The following MAGI2 variants were observed in gnomAD, a reference collection of about 807,000 sequenced individuals.
MAGI2 encodes membrane associated guanylate kinase, WW and PDZ domain containing 2.
In MAGI2, 35 loss-of-function variants were observed where a neutral mutation model predicts 133.3. The ratio of observed to expected loss-of-function variants is 0.26; its 90% CI spans 0.20 to 0.35. MAGI2 has a LOEUF of 0.35. Among genes scored for constraint, MAGI2 ranks in the 10% least tolerant of loss-of-function variants. The probability of loss-of-function intolerance (pLI) is 1.00; values close to 1 mark genes in which losing one functional copy is unlikely to be tolerated. For synonymous variants in MAGI2, 729 were observed against 710.6 expected, an observed-to-expected ratio of 1.03 and a Z score of -0.41; for missense variants, 1,636 against 1,863.4, an observed-to-expected ratio of 0.88 and a Z score of 2.25.
intron 1 of MAGI2, among the ~76,000 whole-genome samples, chr7:79,248,738 A>G (rs1269789749): frequency 2.6e-5 from 4 of 152,198 alleles, no homozygotes; most frequent in African/African-American, 9.6e-5. Context: ...ATACAAACAC[A>G]TGGAAATTAG....
Position 78,552,007 on chromosome 7 carries a change from A to G in MAGI2, c.539-30362T>C, listed in dbSNP as rs143930210. Among the ~76,000 whole-genome samples, 530 of 152,278 alleles carry G rather than the reference A, an allele frequency of 3.5e-3. 4 individuals carry two copies. The highest frequency in any genetic ancestry group is 0.012 in the African/African-American group (505 of 41,570). ...CAACTTGCCTGCTTTGGCCTTCCAAAGTGCTGGGATTATAGGCATAAGCCA... is the reference window on the plus strand; with the variant it reads ...CAACTTGCCTGCTTTGGCCTTCCAAGGTGCTGGGATTATAGGCATAAGCCA... On this transcript the variant is annotated intron_variant, in intron 3 of 21. Transcript: ENST00000354212.
At chr7:79,255,599 G>A (rs1325794208) in intron 1 of MAGI2, among the ~76,000 whole-genome samples, 1 of 152,104 alleles carries the variant, frequency 6.6e-6, no homozygotes, top group Non-Finnish European at 1.5e-5. Context: ...TTAGAAAATA[G>A]TACCAGATTA....
At chr7:79,445,271 TAAAACACCAAAA>T (rs1563231415) in intron 1 of MAGI2, among the ~76,000 whole-genome samples, 15 of 152,138 alleles carry the variant, frequency 9.9e-5, no homozygotes, top group African/African-American at 3.4e-4. Context: ...ACTTCATGTC[TAAAACACCAAAA>T]GCAATGGCAA....
chr7:78,057,861 G>A (rs922255016), intron 21 of MAGI2, among the ~76,000 whole-genome samples: 1 of 151,344 alleles, frequency 6.6e-6, no homozygotes, highest in Non-Finnish European at 1.5e-5. Flanking sequence ...GATATTGACT[G>A]CTGTATGCCC....
At chr7:78,394,342 C>T (rs898622898) in intron 6 of MAGI2, among the ~76,000 whole-genome samples, 2 of 152,174 alleles carry the variant, frequency 1.3e-5, no homozygotes, top group African/African-American at 2.4e-5. Context: ...AGTTTTGGTG[C>T]TTTCCCCTTT....
At chr7:78,459,291 T>C (rs536826504) in intron 6 of MAGI2, among the ~76,000 whole-genome samples, 1 of 152,162 alleles carries the variant, frequency 6.6e-6, no homozygotes, top group Non-Finnish European at 1.5e-5. Context: ...AAAGCAGAAT[T>C]CTCATCTTGT....
At chr7:79,425,592 ATATATATG>A (rs962304066) in intron 1 of MAGI2, among the ~76,000 whole-genome samples, 23 of 58,170 alleles carry the variant, frequency 4.0e-4, no homozygotes, top group East Asian at 1.5e-3. Flanking sequence ...ATATATATAT[ATATATATG>A]TATATATATG....
At chr7:78,709,290 C>T (rs1044892926) in intron 2 of MAGI2, among the ~76,000 whole-genome samples, 2 of 151,902 alleles carry the variant, frequency 1.3e-5, no homozygotes, top group Non-Finnish European at 2.9e-5. Context: ...ACCCCCACCC[C>T]CACTCCACAC....
chr7:78,667,350 G>A (rs1457463541), intron 2 of MAGI2, among the ~76,000 whole-genome samples: 1 of 139,344 alleles, frequency 7.2e-6, no homozygotes, highest in African/African-American at 2.6e-5. Flanking sequence ...AACCAATTGG[G>A]TTTTTTTTTT....
chr7:78,986,002 C>G (rs1038075577), intron 2 of MAGI2, among the ~76,000 whole-genome samples: 4 of 152,054 alleles, frequency 2.6e-5, no homozygotes, highest in Non-Finnish European at 2.9e-5. Context: ...AACACATTCT[C>G]CACACTGTAT....
intron 1 of MAGI2, among the ~76,000 whole-genome samples, chr7:79,097,616 AT>A (rs1344173091): frequency 5.3e-5 from 8 of 152,206 alleles, no homozygotes; most frequent in African/African-American, 1.9e-4. Flanking sequence ...AATAAGGTGT[AT>A]CTACTGAAAG....
intron 2 of MAGI2, among the ~76,000 whole-genome samples, chr7:78,905,740 T>G (rs944453022): frequency 6.6e-6 from 1 of 152,182 alleles, no homozygotes; most frequent in African/African-American, 2.4e-5. Flanking sequence ...TAATTTAAGG[T>G]ACAGGTGATT....
intron 2 of MAGI2, among the ~76,000 whole-genome samples, chr7:78,687,969 T>TAAAACAAAAA (rs1816525993): frequency 1.5e-5 from 1 of 67,226 alleles, no homozygotes; most frequent in Non-Finnish European, 2.8e-5. Flanking sequence ...GTCCTTGCCT[T>TAAAACAAAAA]AAAAAAAAAA....
At chr7:78,721,193 G>T (rs1691599555) in intron 2 of MAGI2, among the ~76,000 whole-genome samples, 1 of 151,870 alleles carries the variant, frequency 6.6e-6, no homozygotes, top group Admixed American at 6.6e-5. Flanking sequence ...CTTCCTCATG[G>T]CTGGGTCCTC....
At chr7:78,735,900 A>G (rs535180201) in intron 2 of MAGI2, among the ~76,000 whole-genome samples, 15 of 152,302 alleles carry the variant, frequency 9.8e-5, no homozygotes, top group Admixed American at 9.2e-4. Context: ...CAATTTGTAC[A>G]AGAAAGTAGA....
At chr7:78,248,260 G>T (rs1792007290) in intron 10 of MAGI2, among the ~76,000 whole-genome samples, 1 of 152,178 alleles carries the variant, frequency 6.6e-6, no homozygotes, top group Non-Finnish European at 1.5e-5. Flanking sequence ...GCTTAAGGGA[G>T]TTCTTCAAGT....
At chr7:78,474,076 C>T (rs1022679155) in intron 6 of MAGI2, among the ~76,000 whole-genome samples, 8 of 151,956 alleles carry the variant, frequency 5.3e-5, no homozygotes, top group East Asian at 1.9e-4. Flanking sequence ...CAACATTAAC[C>T]GGTGTGTTTT....
chr7:78,804,993 A>C (rs1180855123), intron 2 of MAGI2, among the ~76,000 whole-genome samples: 2 of 151,648 alleles, frequency 1.3e-5, no homozygotes, highest in Non-Finnish European at 2.9e-5. Context: ...ACTTGAACCC[A>C]GGAGGTGGAG....
At chr7:79,002,906 G>T (rs1807031870) in intron 2 of MAGI2, among the ~76,000 whole-genome samples, 1 of 141,758 alleles carries the variant, frequency 7.1e-6, no homozygotes, top group African/African-American at 2.6e-5. Flanking sequence ...TGTGTTGTTT[G>T]CTTGTTTTTT....
Sources: allele counts gnomAD v4.1 joint callset (sites outside exome capture counted in the v4.1 genomes callset), GRCh38; gene constraint gnomAD v4.1.1; transcripts MANE v1.5; gene names NCBI Gene and HGNC (gene_info 2026-07-23, HGNC 2026-07-21).